Variants in SNX16 observed in about 807,000 individuals in gnomAD.
SNX16 encodes sorting nexin 16.
SNX16 carries 35 observed loss-of-function variants against 36.7 expected under a neutral mutation model. That is an observed-to-expected ratio of 0.95 (90% confidence interval 0.73 to 1.27). SNX16 has a LOEUF of 1.27. Ranked by LOEUF, SNX16 falls within the 50% of genes most tolerant of loss-of-function variation. The probability of loss-of-function intolerance (pLI) is 0.00; values close to 1 mark genes in which losing one functional copy is unlikely to be tolerated. For synonymous variants in SNX16, 134 were observed against 132.0 expected (o/e 1.02, Z -0.10); for missense variants, 367 against 393.6 (o/e 0.93, Z 0.57).
chr8:81,839,084 A>C (rs915792468), intron 2 of SNX16, among the ~76,000 whole-genome samples: 4 of 152,154 alleles, frequency 2.6e-5, no homozygotes, highest in Admixed American at 6.5e-5. Context: ...AATGATAAAA[A>C]TGTTAAAATA....
intron 6 of SNX16, 85 bp downstream of exon 6, chr8:81,803,007 A>C: frequency 8.2e-7 from 1 of 1,220,514 alleles, no homozygotes; most frequent in Non-Finnish European, 1.1e-6. Context: ...AAAATTCCTA[A>C]ATCATATTAA....
At chr8:81,838,829 CCA>C (rs1245214050) in intron 2 of SNX16, among the ~76,000 whole-genome samples, 4 of 151,642 alleles carry the variant, frequency 2.6e-5, no homozygotes, top group African/African-American at 9.7e-5. Context: ...AAAAGGCAAA[CCA>C]CAGAGTGAGA....
intron 4 of SNX16, among the ~76,000 whole-genome samples, chr8:81,822,382 G>A (rs1040501952): frequency 9.9e-5 from 15 of 152,114 alleles, no homozygotes; most frequent in African/African-American, 3.6e-4. Flanking sequence ...CAAATGTACA[G>A]AGAAGGGGAG....
At chr8:81,805,321 G>A (rs942153426) in intron 5 of SNX16, among the ~76,000 whole-genome samples, 2 of 151,830 alleles carry the variant, frequency 1.3e-5, no homozygotes, top group Non-Finnish European at 2.9e-5. Context: ...GAACGAGAAT[G>A]AAAATATTAA....
Position 81,801,483 on chromosome 8 carries a change from C to G in SNX16, c.*14G>C. On this transcript the variant is annotated 3_prime_UTR_variant, in exon 8 of 8. Coordinates refer to ENST00000345957, the MANE Select transcript of SNX16 (RefSeq NM_152836.3). ...TTTTGAATAGTCTAAATGGAGGGAA[C>G]TGCTTGTGATACATTAGTCTTCTTC... 1 of 1,495,974 alleles carries G rather than the reference C, an allele frequency of 6.7e-7. No individual in the cohort carries two copies. Among genetic ancestry groups the G allele is most frequent in the Non-Finnish European group, 9.1e-7 (1 of 1,093,938 alleles). 92.7% of individuals were successfully genotyped at this position (1,495,974 alleles called of 1,614,324 possible).
chr8:81,829,754 A>C (rs2130736787), intron 2 of SNX16, among the ~76,000 whole-genome samples: 1 of 152,286 alleles, frequency 6.6e-6, no homozygotes, highest in East Asian at 1.9e-4. Context: ...TTTTCTGTGC[A>C]CACTAACAAT....
rs1325276675 is a variant in SNX16 at position 81,801,242 on chromosome 8, T to C, written c.*255A>G. The C allele has an allele frequency of 2.6e-5, 8 of 310,386 alleles. No homozygotes were observed. Among genetic ancestry groups the C allele is most frequent in the South Asian group, 2.4e-4 (3 of 12,460 alleles). The allele number at this position is 310,386 out of a possible 1,614,324, so 19.2% of individuals were successfully genotyped here. A position where few individuals can be genotyped will look rare whatever the true frequency, so the allele number is the denominator to read the frequency against. ...AATTTATGCACAGTATTTAAGAATG[T>C]GGGCCTTGATAACAGAATTCCAACA... On this transcript the variant is annotated 3_prime_UTR_variant, in exon 8 of 8. Transcript: ENST00000345957.
intron 5 of SNX16, among the ~76,000 whole-genome samples, chr8:81,812,377 A>G (rs1393983784): frequency 6.6e-6 from 1 of 152,124 alleles, no homozygotes; most frequent in Non-Finnish European, 1.5e-5. Flanking sequence ...AATACATCAT[A>G]ATCAAACTGC....
At chr8:81,817,956 GTTGAC>G (rs1810566193) in intron 4 of SNX16, among the ~76,000 whole-genome samples, 1 of 152,116 alleles carries the variant, frequency 6.6e-6, no homozygotes, top group South Asian at 2.1e-4. Context: ...GGGGTCAGGT[GTTGAC>G]TTAATTTACT....
intron 5 of SNX16, among the ~76,000 whole-genome samples, chr8:81,803,973 T>C (rs1328737336): frequency 6.6e-6 from 1 of 151,372 alleles, no homozygotes; most frequent in Non-Finnish European, 1.5e-5. Flanking sequence ...AATATATATA[T>C]ATAAATACAA....
At chr8:81,814,975 A>T (rs1241942847) in intron 5 of SNX16, 1 of 156,436 alleles carries the variant, frequency 6.4e-6, no homozygotes, top group African/African-American at 2.4e-5. Context: ...TTAGCTGTAC[A>T]TTCCTTATTT....
In SNX16 at chr8:81,803,223, G is replaced by A; in HGVS notation, c.687C>T (p.Phe229=). 6.3e-7 allele frequency: 1 copy of A among 1,594,016 alleles called. No homozygotes were observed. The highest frequency in any genetic ancestry group is 2.2e-5 in the East Asian group (1 of 44,474). The change falls in exon 6 of 8, where the codon TTC becomes TTT. Residue 229 remains phenylalanine, a synonymous_variant. Coordinates refer to ENST00000345957, the MANE Select transcript of SNX16 (RefSeq NM_152836.3). ...AGTTTGTCTCTTCTAAAGTTTCACA[G>A]AATGCCTTAAAAAAAACAACAAACA... ...PFDSLEESRA[F]CETLEETNYR... is the part of the protein sequence containing the mutation.
At chr8:81,835,053 C>T (rs528436679) in intron 2 of SNX16, among the ~76,000 whole-genome samples, 1 of 152,352 alleles carries the variant, frequency 6.6e-6, no homozygotes, top group East Asian at 1.9e-4. Flanking sequence ...TTCCATACAT[C>T]ATCTGAAATC....
At chr8:81,813,287 C>T (rs1301354087) in intron 5 of SNX16, among the ~76,000 whole-genome samples, 1 of 151,776 alleles carries the variant, frequency 6.6e-6, no homozygotes, top group African/African-American at 2.4e-5. Flanking sequence ...GATCAACAGA[C>T]TAGAATTAAG....
At chr8:81,816,180 T>TC (rs1448424797) in intron 4 of SNX16, among the ~76,000 whole-genome samples, 1 of 144,286 alleles carries the variant, frequency 6.9e-6, no homozygotes, top group Non-Finnish European at 1.5e-5. Flanking sequence ...CAAAGGATTT[T>TC]CTTTTTTTTT....
intron 4 of SNX16, among the ~76,000 whole-genome samples, chr8:81,820,233 TTC>T (rs1485725777): frequency 1.8e-5 from 1 of 55,302 alleles, no homozygotes; most frequent in South Asian, 4.5e-4. Context: ...TAGGAGGGAT[TTC>T]CCCCCCTTCC....
rs574381299 is a variant in SNX16, at chr8:81,836,852, T to A, written c.375+2760A>T. Among the ~76,000 whole-genome samples the A allele has an allele frequency of 2.0e-5, 3 of 152,320 alleles. No individual in the cohort carries two copies. In the South Asian group the frequency reaches 6.2e-4, roughly 32 times the overall value. On this transcript the variant is annotated intron_variant, in intron 2 of 7. Coordinates refer to ENST00000345957, the MANE Select transcript of SNX16 (RefSeq NM_152836.3). ...TTAAAAACCTTTTAAAAGATTCTCA[T>A]CTCATGCAGAGTAAAATCCAAAGTC...
chr8:81,840,198 C>T, intron 1 of SNX16, 116 bp from the exon 2 acceptor site: 1 of 503,314 alleles, frequency 2.0e-6, no homozygotes, highest in Non-Finnish European at 3.3e-6. Flanking sequence ...GAAAACATAC[C>T]TCAAACCCCT....
chr8:81,821,268 T>C (rs1158309186), intron 4 of SNX16, among the ~76,000 whole-genome samples: 1 of 151,978 alleles, frequency 6.6e-6, no homozygotes, highest in Non-Finnish European at 1.5e-5. Context: ...TTCTGAGCTA[T>C]GCAGCTTTAG....
Sources: allele counts gnomAD v4.1 joint callset (sites outside exome capture counted in the v4.1 genomes callset), GRCh38; gene constraint gnomAD v4.1.1; transcripts MANE v1.5; gene names NCBI Gene and HGNC (gene_info 2026-07-23, HGNC 2026-07-21).